Variants in CADM1 observed in about 807,000 individuals in gnomAD.
CADM1 encodes TSLC-1.
Under a neutral mutation model 53.1 loss-of-function variants are expected in CADM1, and 15 were observed. The observed-to-expected ratio is 0.28, with a 90% CI of 0.19 to 0.44. The LOEUF is 0.44. CADM1 is among the 20% of genes least tolerant of loss of function. The pLI is 1.00. For missense variants in CADM1, 434 were observed against 611.3 expected (o/e 0.71, Z 3.06); for synonymous variants, 281 against 243.0 (o/e 1.16, Z -1.45).
chr11:115,295,532 A>ATAT (rs1555057769), intron 1 of CADM1, among the ~76,000 whole-genome samples: 1 of 84,906 alleles, frequency 1.2e-5, no homozygotes, highest in Non-Finnish European at 1.9e-5. Context: ...ATATATATAT[A>ATAT]TATATATATA....
At chr11:115,321,575 G>A (rs1158047759) in intron 1 of CADM1, among the ~76,000 whole-genome samples, 5 of 152,120 alleles carry the variant, frequency 3.3e-5, no homozygotes, top group Non-Finnish European at 7.4e-5. Flanking sequence ...TACTTTATTT[G>A]CAAATATTGG....
intron 1 of CADM1, among the ~76,000 whole-genome samples, chr11:115,286,992 A>G (rs1371110066): frequency 2.0e-5 from 3 of 152,206 alleles, no homozygotes; most frequent in South Asian, 4.1e-4. Context: ...TCATTCTTCA[A>G]ACAATTTCAC....
chr11:115,272,448 T>G (rs1168048703), intron 1 of CADM1, among the ~76,000 whole-genome samples: 3 of 152,116 alleles, frequency 2.0e-5, no homozygotes, highest in Non-Finnish European at 2.9e-5. Context: ...AAACATTAGT[T>G]TAATCAGTTA....
rs1040190963 is a variant in CADM1, at chr11:115,257,433, A to G, written c.125-17013T>C. On this transcript the variant is annotated intron_variant, in intron 1 of 11. Coordinates refer to ENST00000331581, the MANE Select transcript of CADM1 (RefSeq NM_001301043.2). ...TAAATTGTAGCACTATTCACTGTCC[A>G]GACTGGAAGCTTCCTGACATGTCAA... Among the ~76,000 whole-genome samples the G allele has an allele frequency of 5.3e-5, 8 of 152,236 alleles. No homozygotes were observed. In the South Asian group the frequency reaches 1.7e-3, roughly 32 times the overall value.
intron 1 of CADM1, among the ~76,000 whole-genome samples, chr11:115,426,280 T>C (rs1216534486): frequency 1.3e-5 from 2 of 152,096 alleles, no homozygotes; most frequent in African/African-American, 4.8e-5. Flanking sequence ...GATATAAAAT[T>C]GAAGAAACTA....
intron 1 of CADM1, among the ~76,000 whole-genome samples, chr11:115,352,175 A>T (rs758902284): frequency 2.6e-5 from 4 of 152,210 alleles, no homozygotes; most frequent in Non-Finnish European, 5.9e-5. Flanking sequence ...AAACTGTATA[A>T]ATCTACTAAA....
At chr11:115,289,593 CTTTTTTTTT>C (rs56766047) in intron 1 of CADM1, among the ~76,000 whole-genome samples, 31 of 109,058 alleles carry the variant, frequency 2.8e-4, no homozygotes, top group Middle Eastern at 6.7e-3. Flanking sequence ...CTTTTTTTTT[CTTTTTTTTT>C]TTTTTTTTTT....
At chr11:115,340,658 ATTT>A (rs869273547) in intron 1 of CADM1, among the ~76,000 whole-genome samples, 5 of 34,936 alleles carry the variant, frequency 1.4e-4, no homozygotes, top group East Asian at 1.1e-3. Flanking sequence ...ATATATATAT[ATTT>A]TTTTTTTTTT....
chr11:115,379,783 T>C (rs1245461545), intron 1 of CADM1, among the ~76,000 whole-genome samples: 2 of 152,226 alleles, frequency 1.3e-5, no homozygotes, highest in African/African-American at 4.8e-5. Flanking sequence ...CTGCAGATTT[T>C]ATGAGTTTAT....
chr11:115,407,580 G>A (rs562739832), intron 1 of CADM1, among the ~76,000 whole-genome samples: 208 of 152,202 alleles, frequency 1.4e-3, no homozygotes, highest in African/African-American at 4.6e-3. Flanking sequence ...ATTTAACTTC[G>A]AAAGGATGAG....
chr11:115,311,951 G>A (rs1216536031), intron 1 of CADM1, among the ~76,000 whole-genome samples: 2 of 152,066 alleles, frequency 1.3e-5, no homozygotes, highest in African/African-American at 2.4e-5. Context: ...TCGGCACAAG[G>A]ATAAGATTTT....
intron 1 of CADM1, among the ~76,000 whole-genome samples, chr11:115,367,919 AACTTTTAAG>A (rs1370776795): frequency 6.6e-6 from 1 of 152,020 alleles, no homozygotes; most frequent in Non-Finnish European, 1.5e-5. Flanking sequence ...TGTTTACATT[AACTTTTAAG>A]ACTGAGATTG....
intron 1 of CADM1, among the ~76,000 whole-genome samples, chr11:115,370,930 A>G (rs954479204): frequency 2.6e-5 from 4 of 152,200 alleles, no homozygotes; most frequent in African/African-American, 7.2e-5. Context: ...TTTCTCACCA[A>G]AATGAAGTTA....
At chr11:115,345,018 CAA>C (rs1449799483) in intron 1 of CADM1, among the ~76,000 whole-genome samples, 1 of 152,148 alleles carries the variant, frequency 6.6e-6, no homozygotes, top group Non-Finnish European at 1.5e-5. Flanking sequence ...TCTCATCAAA[CAA>C]AGTATTCGGC....
chr11:115,339,550 T>C (rs142244478), intron 1 of CADM1, among the ~76,000 whole-genome samples: 66 of 152,320 alleles, frequency 4.3e-4, no homozygotes, highest in African/African-American at 1.5e-3. Flanking sequence ...CATGGAGCTT[T>C]TCTCATACCT....
chr11:115,389,825 A>G (rs1236256478), intron 1 of CADM1, among the ~76,000 whole-genome samples: 1 of 152,032 alleles, frequency 6.6e-6, no homozygotes, highest in East Asian at 1.9e-4. Context: ...TATAATACAA[A>G]AGAAGCTTTA....
At chr11:115,294,681 G>T (rs188911295) in intron 1 of CADM1, among the ~76,000 whole-genome samples, 32 of 152,268 alleles carry the variant, frequency 2.1e-4, no homozygotes, top group African/African-American at 7.5e-4. Flanking sequence ...TTTTCAAAAA[G>T]ATCTCAAAAA....
intron 1 of CADM1, among the ~76,000 whole-genome samples, chr11:115,482,609 G>A (rs1949283234): frequency 6.6e-6 from 1 of 152,194 alleles, no homozygotes; most frequent in African/African-American, 2.4e-5. Flanking sequence ...GTCATTGGAA[G>A]TAGAGGTATT....
chr11:115,250,884 G>A (rs1942582608), intron 1 of CADM1, among the ~76,000 whole-genome samples: 1 of 152,058 alleles, frequency 6.6e-6, no homozygotes, highest in African/African-American at 2.4e-5. Flanking sequence ...CTCTAGATTG[G>A]GTGCTATTAA....
Sources: allele counts gnomAD v4.1 joint callset (sites outside exome capture counted in the v4.1 genomes callset), GRCh38; gene constraint gnomAD v4.1.1; transcripts MANE v1.5; gene names NCBI Gene and HGNC (gene_info 2026-07-23, HGNC 2026-07-21).